Variants in ST18 observed in about 807,000 individuals in gnomAD.
ST18 encodes ST18 C2H2C-type zinc finger transcription factor, also known as suppression of tumorigenicity 18 protein.
In ST18, 50 loss-of-function variants were observed where a neutral mutation model predicts 110.0. The ratio of observed to expected loss-of-function variants is 0.45; its 90% CI spans 0.36 to 0.58. The LOEUF (loss-of-function observed/expected upper bound fraction) is 0.58, where lower values mean the gene tolerates loss of function less well. ST18 is among the 20% of genes least tolerant of loss of function. The pLI is 0.00. For missense variants in ST18, 1,306 were observed against 1,280.1 expected (o/e 1.02, Z -0.31); for synonymous variants, 461 against 452.4 (o/e 1.02, Z -0.24).
At chr8:52,134,073 G>A (rs2050964093) in intron 19 of ST18, among the ~76,000 whole-genome samples, 1 of 152,104 alleles carries the variant, frequency 6.6e-6, no homozygotes, top group Non-Finnish European at 1.5e-5. Flanking sequence ...CTGATATGCT[G>A]TGCGACTATG....
Position 52,111,999 on chromosome 8 carries a change from A to AGT in ST18, c.*1197_*1198dup, listed in dbSNP as rs564702377. The AGT allele has an allele frequency of 6.6e-6, 1 of 151,198 alleles. No homozygotes were observed. Among genetic ancestry groups the AGT allele is most frequent in the Admixed American group, 6.6e-5 (1 of 15,134 alleles). 9.4% of individuals were successfully genotyped at this position (151,198 alleles called of 1,614,324 possible). A position where few individuals can be genotyped will look rare whatever the true frequency, so the allele number is the denominator to read the frequency against. On this transcript the variant is annotated 3_prime_UTR_variant, in exon 26 of 26. Transcript: ENST00000689386. ...GTGTGTGAGTATGCCTGTGTGTGTGAGTGTGTGTGTATATTTTGTAGCATT... is the reference window on the plus strand; with the variant it reads ...GTGTGTGAGTATGCCTGTGTGTGTGAGTGTGTGTGTGTATATTTTGTAGCATT...
rs768982054 is a variant in ST18, at chr8:52,113,164, T to C, written c.*34A>G. On this transcript the variant is annotated 3_prime_UTR_variant, in exon 26 of 26. Coordinates refer to ENST00000689386, the MANE Select transcript of ST18 (RefSeq NM_001352837.2). ...CAGATCCATCTGGAGTTTACTGCTG[T>C]TGGTAACTTCTGTTGCCCGGCAGCG... 6.2e-7 allele frequency: 1 copy of C among 1,611,632 alleles called. No homozygotes were observed. Among genetic ancestry groups the C allele is most frequent in the Non-Finnish European group, 8.5e-7 (1 of 1,179,002 alleles).
intron 8 of ST18, among the ~76,000 whole-genome samples, chr8:52,195,974 C>T (rs537122881): frequency 6.6e-6 from 1 of 152,260 alleles, no homozygotes; most frequent in African/African-American, 2.4e-5. Flanking sequence ...AATTCACAAA[C>T]ATCTAGTTTT....
chr8:52,318,735 G>A (rs1589863965), intron 2 of ST18, among the ~76,000 whole-genome samples: 1 of 152,260 alleles, frequency 6.6e-6, no homozygotes, highest in East Asian at 1.9e-4. Context: ...ATACACCATG[G>A]AATACTATGC....
intron 2 of ST18, among the ~76,000 whole-genome samples, chr8:52,338,429 A>G (rs1196561100): frequency 2.0e-5 from 3 of 152,110 alleles, no homozygotes; most frequent in Non-Finnish European, 4.4e-5. Flanking sequence ...TTTGATATAA[A>G]ATATTTTATG....
chr8:52,214,079 T>C (rs1267635145), intron 7 of ST18, 124 bp downstream of exon 7: 1 of 1,057,474 alleles, frequency 9.5e-7, no homozygotes, highest in Non-Finnish European at 1.4e-6. Context: ...CCTGGCTTGA[T>C]TTGAAAAAAG....
chr8:52,283,566 T>C (rs2139195545), intron 2 of ST18, among the ~76,000 whole-genome samples: 1 of 151,980 alleles, frequency 6.6e-6, no homozygotes, highest in Middle Eastern at 3.4e-3. Context: ...ATGGTAGTGG[T>C]GGAGGTTCAG....
In ST18 at chr8:52,275,177, T is replaced by G. The variant is rs536856340; in HGVS notation, c.-464-45100A>C. On this transcript the variant is annotated intron_variant, in intron 2 of 25. Transcript: ENST00000689386. ...TAATTTAATGAAAGAGCTTCCATAT[T>G]TTTTTTTACTTCAAGCAAAAACTAA... 3.3e-5 allele frequency among the ~76,000 whole-genome samples: 5 copies of G among 149,716 alleles called. No homozygotes were observed. In the East Asian group the frequency reaches 7.7e-4, roughly 23 times the overall value.
At chr8:52,361,514 G>A (rs573263660) in intron 2 of ST18, among the ~76,000 whole-genome samples, 2 of 152,266 alleles carry the variant, frequency 1.3e-5, no homozygotes, top group East Asian at 3.9e-4. Context: ...TGAAAAATAT[G>A]TCATGGAGAA....
chr8:52,381,340 T>C (rs2140845351), intron 2 of ST18, among the ~76,000 whole-genome samples: 1 of 152,288 alleles, frequency 6.6e-6, no homozygotes, highest in East Asian at 1.9e-4. Flanking sequence ...GTCGGCACCA[T>C]GGAGCATGGA....
chr8:52,193,121 G>A (rs1342718678), intron 8 of ST18, among the ~76,000 whole-genome samples: 3 of 152,182 alleles, frequency 2.0e-5, no homozygotes, highest in Non-Finnish European at 2.9e-5. Context: ...GATCTGAGTC[G>A]TGCAACCAAG....
chr8:52,145,648 T>C (rs1273380979), intron 16 of ST18, among the ~76,000 whole-genome samples: 1 of 152,188 alleles, frequency 6.6e-6, no homozygotes, highest in East Asian at 1.9e-4. Flanking sequence ...AATAATAATT[T>C]TATTTTGTGG....
intron 2 of ST18, among the ~76,000 whole-genome samples, chr8:52,282,199 A>G (rs760994812): frequency 1.3e-5 from 2 of 152,116 alleles, no homozygotes; most frequent in Non-Finnish European, 2.9e-5. Context: ...AATAATTCCA[A>G]AACCAGGAGG....
chr8:52,218,217 C>T (rs191293425), intron 5 of ST18, among the ~76,000 whole-genome samples: 197 of 151,912 alleles, frequency 1.3e-3, no homozygotes, highest in Non-Finnish European at 2.3e-3. Flanking sequence ...ATATACCTCT[C>T]TCTCTATATA....
intron 22 of ST18, among the ~76,000 whole-genome samples, chr8:52,130,078 G>GAA (rs2048641619): frequency 8.5e-6 from 1 of 118,122 alleles, no homozygotes; most frequent in East Asian, 2.6e-4. Context: ...GAGAGAGAGA[G>GAA]AGAGAGAAAG....
intron 2 of ST18, among the ~76,000 whole-genome samples, chr8:52,399,896 G>T (rs751516390): frequency 1.2e-4 from 18 of 152,002 alleles, no homozygotes; most frequent in Non-Finnish European, 2.4e-4. Flanking sequence ...CTATTAGATT[G>T]AAAGTTCCAT....
At chr8:52,213,895 GA>G (rs1321718838) in intron 7 of ST18, among the ~76,000 whole-genome samples, 1 of 152,122 alleles carries the variant, frequency 6.6e-6, no homozygotes, top group African/African-American at 2.4e-5. Flanking sequence ...TCCATAATTT[GA>G]AAGTTTCCAT....
intron 2 of ST18, among the ~76,000 whole-genome samples, chr8:52,378,811 G>C (rs1423855458): frequency 1.3e-5 from 2 of 152,104 alleles, no homozygotes; most frequent in African/African-American, 4.8e-5. Flanking sequence ...TTTTCAAGGA[G>C]AGAATATCAC....
intron 15 of ST18, among the ~76,000 whole-genome samples, chr8:52,152,369 C>T (rs2059026742): frequency 6.6e-6 from 1 of 152,214 alleles, no homozygotes; most frequent in East Asian, 1.9e-4. Context: ...GCTGGGGAAG[C>T]TGTGGCAGAT....
Sources: gnomAD v4.1 joint callset for allele counts (sites outside exome capture counted in the v4.1 genomes callset) on GRCh38, gnomAD v4.1.1 for gene constraint, MANE v1.5 for transcripts, NCBI Gene and HGNC (gene_info 2026-07-23, HGNC 2026-07-21) for gene names.